DYSF: variants seen among roughly 807,000 people sequenced by gnomAD.
DYSF encodes the protein dystrophy-associated fer-1-like 1.
Under a neutral mutation model 274.9 loss-of-function variants are expected in DYSF, and 212 were observed. The observed-to-expected ratio is 0.77, with a 90% CI of 0.69 to 0.86. DYSF has a LOEUF of 0.86. Among genes scored for constraint, DYSF ranks in the 40% least tolerant of loss-of-function variants. The pLI is 0.00. For synonymous variants in DYSF, 1,091 were observed against 1,078.7 expected (o/e 1.01, Z -0.22); for missense variants, 2,666 against 2,783.2 (o/e 0.96, Z 0.95).
chr2:71,660,659 G>T lies in DYSF; in HGVS notation c.5003+8G>T, dbSNP rs954327151. On this transcript the variant is annotated splice_region_variant and intron_variant, in intron 45 of 55. Transcript: ENST00000410020. ...GGAGCCCGTATTTGGAAAGTAAATT[G>T]GGGCATCTTGGGTCTTGGGGTGGAG... 3.1e-6 allele frequency: 5 copies of T among 1,611,664 alleles called. No homozygotes were observed. In the African/African-American group the frequency reaches 6.7e-5, roughly 22 times the overall value.
rs941254869 is a variant in DYSF at position 71,526,273 on chromosome 2, C to T, written c.1203C>T (p.Leu401=). 2 of 1,614,244 alleles carry T rather than the reference C, an allele frequency of 1.2e-6. No homozygotes were observed. Among genetic ancestry groups the T allele is most frequent in the Non-Finnish European group, 8.5e-7 (1 of 1,180,048 alleles). The change falls in exon 13 of 56, where the codon CTC becomes CTT. Residue 401 remains leucine (L), a synonymous_variant. Transcript: ENST00000410020. ...EDKEDIESNL[L]RPTGVALRGA... ...AGGAGGACATTGAAAGCAACCTGCTCCGGCCCACAGGCGTAGCCCTGCGAG... is the reference window on the plus strand; with the variant it reads ...AGGAGGACATTGAAAGCAACCTGCTTCGGCCCACAGGCGTAGCCCTGCGAG...
chr2:71,577,605 G>GAC (rs767350546), intron 30 of DYSF, among the ~76,000 whole-genome samples: 2 of 150,108 alleles, frequency 1.3e-5, no homozygotes, highest in Non-Finnish European at 3.0e-5. Flanking sequence ...CCAACACATA[G>GAC]ACACACACAC....
At chr2:71,624,419 T>G (rs1368487525) in intron 41 of DYSF, among the ~76,000 whole-genome samples, 1 of 152,242 alleles carries the variant, frequency 6.6e-6, no homozygotes, top group African/African-American at 2.4e-5. Flanking sequence ...TCGAGTTGTC[T>G]TTGTTACACT....
chr2:71,516,641 T>C (rs1425267107), intron 9 of DYSF, among the ~76,000 whole-genome samples: 1 of 152,208 alleles, frequency 6.6e-6, no homozygotes, highest in Non-Finnish European at 1.5e-5. Context: ...TGAGATTCTC[T>C]TTCTCTCTGG....
chr2:71,609,750 G>A (rs976536928), intron 36 of DYSF, among the ~76,000 whole-genome samples: 6 of 152,164 alleles, frequency 3.9e-5, no homozygotes, highest in African/African-American at 1.2e-4. Flanking sequence ...TCAGGGTGTC[G>A]CTGCACAGGA....
At chr2:71,548,785 C>T (rs1454713991) in intron 17 of DYSF, among the ~76,000 whole-genome samples, 1 of 151,984 alleles carries the variant, frequency 6.6e-6, no homozygotes, top group Non-Finnish European at 1.5e-5. Context: ...TGTGAAAACG[C>T]AACGTGGAGC....
rs1253639180 is a variant in DYSF at position 71,603,942 on chromosome 2, C to T, written c.3957+1137C>T. On this transcript the variant is annotated intron_variant, in intron 36 of 55. Transcript: ENST00000410020. ...GAGGGCAGGGATCTGGCTGCAGTCT[C>T]GTCAGAAAGCAAATCAAAACTGCAG... 3.3e-5 allele frequency among the ~76,000 whole-genome samples: 5 copies of T among 152,312 alleles called. No homozygotes were observed. The South Asian group carries it at 8.3e-4, about 25-fold the overall frequency.
At chr2:71,499,820 G>A (rs1440856285) in intron 3 of DYSF, among the ~76,000 whole-genome samples, 1 of 152,196 alleles carries the variant, frequency 6.6e-6, no homozygotes. Context: ...GAGGCTGGGA[G>A]CACCTGTGGT....
At chr2:71,582,168 T>A (rs1356035167) in intron 30 of DYSF, among the ~76,000 whole-genome samples, 1 of 144,836 alleles carries the variant, frequency 6.9e-6, no homozygotes, top group Non-Finnish European at 1.5e-5. Context: ...CTCATTCACC[T>A]ATGTAGTGCC....
At chr2:71,535,341 C>T (rs373383258) in intron 16 of DYSF, 30 bp downstream of exon 16, 68 of 1,611,654 alleles carry the variant, frequency 4.2e-5, no homozygotes, top group African/African-American at 2.4e-4. Flanking sequence ...GTCTTTAGGG[C>T]GGGCTGTCCT....
intron 41 of DYSF, among the ~76,000 whole-genome samples, chr2:71,622,059 A>G (rs2094115346): frequency 7.4e-6 from 1 of 135,822 alleles, no homozygotes. Flanking sequence ...TATTTCTCCT[A>G]TTGTCTTCTT....
chr2:71,475,709 T>G (rs2082345938), intron 1 of DYSF, among the ~76,000 whole-genome samples: 1 of 152,048 alleles, frequency 6.6e-6, no homozygotes, highest in African/African-American at 2.4e-5. Flanking sequence ...CAGCAACCCC[T>G]TGTAAGGTAG....
intron 35 of DYSF, 178 bp from the exon 36 acceptor site, chr2:71,602,598 A>C: frequency 1.6e-6 from 1 of 617,534 alleles, no homozygotes. Context: ...GTGGCTGGGA[A>C]GTGCATCATT....
At chr2:71,664,554 T>A (rs754430312) in intron 46 of DYSF, 116 bp downstream of exon 46, 3 of 1,303,788 alleles carry the variant, frequency 2.3e-6, no homozygotes, top group Non-Finnish European at 3.2e-6. Flanking sequence ...TAGCACTTCC[T>A]AGGCATTCTC....
At chr2:71,487,604 GTT>G (rs1322057544) in intron 3 of DYSF, among the ~76,000 whole-genome samples, 1 of 152,170 alleles carries the variant, frequency 6.6e-6, no homozygotes, top group East Asian at 1.9e-4. Flanking sequence ...TGCCTCACAG[GTT>G]CAAGCGATTC....
chr2:71,498,189 T>C (rs775265480), intron 3 of DYSF, among the ~76,000 whole-genome samples: 16 of 152,242 alleles, frequency 1.1e-4, no homozygotes, highest in Non-Finnish European at 2.2e-4. Flanking sequence ...TGGTGGGCTT[T>C]TGTTACATTC....
At chr2:71,572,171 CA>C (rs1374228451) in intron 29 of DYSF, among the ~76,000 whole-genome samples, 1 of 142,952 alleles carries the variant, frequency 7.0e-6, no homozygotes, top group Non-Finnish European at 1.5e-5. Context: ...GCATGGATCA[CA>C]CCCAGCACAC....
chr2:71,681,948 C>T (rs922861338), intron 54 of DYSF, among the ~76,000 whole-genome samples: 23 of 152,238 alleles, frequency 1.5e-4, no homozygotes, highest in Non-Finnish European at 2.4e-4. Flanking sequence ...ACCCGTGAGA[C>T]ACCAGTGTGC....
intron 44 of DYSF, among the ~76,000 whole-genome samples, chr2:71,659,906 A>G (rs1219335806): frequency 6.6e-6 from 1 of 152,264 alleles, no homozygotes; most frequent in Non-Finnish European, 1.5e-5. Flanking sequence ...GTTTAGGCCC[A>G]GCATGTGTCC....
Sources: gnomAD v4.1 joint callset for allele counts (sites outside exome capture counted in the v4.1 genomes callset) on GRCh38, gnomAD v4.1.1 for gene constraint, MANE v1.5 for transcripts, NCBI Gene and HGNC (gene_info 2026-07-23, HGNC 2026-07-21) for gene names.